Variants in BRINP3 observed in about 807,000 individuals in gnomAD.
BRINP3 encodes BMP/retinoic acid-inducible neural-specific protein 3.
A neutral mutation model predicts 71.0 loss-of-function variants in BRINP3; 19 were observed. The observed-to-expected ratio is 0.27, with a 90% confidence interval of 0.19 to 0.39. The LOEUF (loss-of-function observed/expected upper bound fraction) is 0.39, where lower values mean the gene tolerates loss of function less well. Among genes scored for constraint, BRINP3 ranks in the 10% least tolerant of loss-of-function variants. The pLI is 1.00. For synonymous variants in BRINP3, 380 were observed against 337.7 expected (o/e 1.13, Z -1.37); for missense variants, 959 against 940.8 (o/e 1.02, Z -0.25).
intron 2 of BRINP3, among the ~76,000 whole-genome samples, chr1:190,375,746 T>A (rs1387978416): frequency 6.6e-6 from 1 of 152,018 alleles, no homozygotes; most frequent in Admixed American, 6.6e-5. Context: ...AATACTTTCA[T>A]CTTTTATTCT....
rs545097938 is a variant in BRINP3 at position 190,333,231 on chromosome 1, G to T, written c.237-51481C>A. 1.4e-3 allele frequency among the ~76,000 whole-genome samples: 216 copies of T among 151,942 alleles called. 1 individual carries two copies. Among genetic ancestry groups the T allele is most frequent in the African/African-American group, 5.0e-3 (206 of 41,480 alleles). On this transcript the variant is annotated intron_variant, in intron 2 of 7. Coordinates refer to ENST00000367462, the MANE Select transcript of BRINP3 (RefSeq NM_199051.3). ...ATCAATGTACAAAAAAATTAAAAAT[G>T]ATCTCCAGGTATACAGCCAGCTACT...
At chr1:190,130,639 G>A (rs1459921299) in intron 7 of BRINP3, among the ~76,000 whole-genome samples, 2 of 151,992 alleles carry the variant, frequency 1.3e-5, no homozygotes, top group African/African-American at 2.4e-5. Context: ...AGAACGGTAA[G>A]TATTCATATG....
At chr1:190,191,840 A>T (rs773626720) in intron 6 of BRINP3, among the ~76,000 whole-genome samples, 2 of 152,154 alleles carry the variant, frequency 1.3e-5, no homozygotes, top group Non-Finnish European at 2.9e-5. Flanking sequence ...ATGTTTCGGA[A>T]AAAATATAGT....
intron 2 of BRINP3, among the ~76,000 whole-genome samples, chr1:190,409,944 T>C (rs756409387): frequency 2.6e-5 from 4 of 152,048 alleles, no homozygotes; most frequent in Admixed American, 6.6e-5. Flanking sequence ...GGGAAACCAT[T>C]AGACTGTTTT....
intron 2 of BRINP3, among the ~76,000 whole-genome samples, chr1:190,346,479 C>A (rs1668028282): frequency 6.6e-6 from 1 of 151,960 alleles, no homozygotes; most frequent in Non-Finnish European, 1.5e-5. Context: ...GAATCTCAAA[C>A]ACTTTTTCGT....
intron 2 of BRINP3, among the ~76,000 whole-genome samples, chr1:190,291,154 G>C (rs542624410): frequency 6.6e-6 from 1 of 152,058 alleles, no homozygotes; most frequent in Non-Finnish European, 1.5e-5. Context: ...ACCTCTACAT[G>C]GTAGAAGGAC....
At chr1:190,177,660 C>T (rs980449645) in intron 6 of BRINP3, among the ~76,000 whole-genome samples, 2 of 151,854 alleles carry the variant, frequency 1.3e-5, no homozygotes, top group Non-Finnish European at 2.9e-5. Flanking sequence ...ATACCAATAC[C>T]CCATAAGCTC....
intron 6 of BRINP3, among the ~76,000 whole-genome samples, chr1:190,161,808 C>T (rs1368030010): frequency 6.6e-6 from 1 of 152,056 alleles, no homozygotes; most frequent in Non-Finnish European, 1.5e-5. Flanking sequence ...TCAGCCATAA[C>T]AATGAATAAA....
intron 2 of BRINP3, among the ~76,000 whole-genome samples, chr1:190,381,174 C>T (rs1361368147): frequency 1.3e-5 from 2 of 152,142 alleles, no homozygotes; most frequent in Non-Finnish European, 2.9e-5. Context: ...GCTTTATATT[C>T]TTGTCTGTTT....
chr1:190,388,413 A>G (rs1402607187), intron 2 of BRINP3, among the ~76,000 whole-genome samples: 1 of 151,854 alleles, frequency 6.6e-6, no homozygotes, highest in African/African-American at 2.4e-5. Flanking sequence ...GTCACACTGA[A>G]TTAGTGTGGG....
At chr1:190,326,542 A>C (rs536936350) in intron 2 of BRINP3, among the ~76,000 whole-genome samples, 1 of 152,064 alleles carries the variant, frequency 6.6e-6, no homozygotes, top group Admixed American at 6.6e-5. Flanking sequence ...TCTTAAAAGC[A>C]GCTAGAAAGT....
chr1:190,260,856 T>C (rs1292822924), intron 4 of BRINP3, among the ~76,000 whole-genome samples: 2 of 152,106 alleles, frequency 1.3e-5, no homozygotes, highest in African/African-American at 4.8e-5. Context: ...AAGTTAATTG[T>C]AATATACTGT....
chr1:190,359,821 T>G (rs2102111002), intron 2 of BRINP3, among the ~76,000 whole-genome samples: 1 of 152,288 alleles, frequency 6.6e-6, no homozygotes, highest in Non-Finnish European at 1.5e-5. Context: ...CAGTGAGTTC[T>G]TTGAATTATT....
chr1:190,403,756 T>A (rs530640540), intron 2 of BRINP3, among the ~76,000 whole-genome samples: 2 of 152,200 alleles, frequency 1.3e-5, no homozygotes, highest in African/African-American at 2.4e-5. Flanking sequence ...AGTTTCAGAG[T>A]TCTCTTCAAA....
At chr1:190,440,941 A>T (rs527292688) in intron 2 of BRINP3, among the ~76,000 whole-genome samples, 1 of 152,118 alleles carries the variant, frequency 6.6e-6, no homozygotes, top group East Asian at 1.9e-4. Context: ...TACAAAAAAG[A>T]AAAGGAGGGT....
In BRINP3 at chr1:190,234,553, C is replaced by G. The variant is rs1174448652; in HGVS notation, c.619-76G>C. On this transcript the variant is annotated intron_variant, in intron 4 of 7. Coordinates refer to ENST00000367462, the MANE Select transcript of BRINP3 (RefSeq NM_199051.3). ...CTTTTGGTTCACTGTAGTTGTCACA[C>G]ACTAATATTATACGTTTGACAGTAA... 1.3e-5 allele frequency: 14 copies of G among 1,064,570 alleles called. No individual in the cohort carries two copies. The South Asian group carries it at 2.0e-4, about 15-fold the overall frequency. 65.9% of individuals were successfully genotyped at this position (1,064,570 alleles called of 1,614,324 possible). A position where few individuals can be genotyped will look rare whatever the true frequency, so the allele number is the denominator to read the frequency against.
chr1:190,183,043 G>A (rs765861333), intron 6 of BRINP3, among the ~76,000 whole-genome samples: 40 of 152,068 alleles, frequency 2.6e-4, no homozygotes, highest in East Asian at 1.4e-3. Flanking sequence ...ATAAATGAGC[G>A]TAGAAGTACA....
At chr1:190,342,484 A>T (rs1180094299) in intron 2 of BRINP3, 1 of 150,814 alleles carries the variant, frequency 6.6e-6, no homozygotes, top group African/African-American at 2.4e-5. Context: ...TTGCTATTTT[A>T]CGAAGAGTAT....
chr1:190,438,179 A>G (rs1469266197), intron 2 of BRINP3, among the ~76,000 whole-genome samples: 9 of 151,522 alleles, frequency 5.9e-5, no homozygotes, highest in Admixed American at 5.9e-4. Context: ...AAAAGTTACT[A>G]TAGAATCATT....
Sources: gnomAD v4.1 joint callset for allele counts (sites outside exome capture counted in the v4.1 genomes callset) on GRCh38, gnomAD v4.1.1 for gene constraint, MANE v1.5 for transcripts, NCBI Gene and HGNC (gene_info 2026-07-23, HGNC 2026-07-21) for gene names.